GCAT: variants seen among roughly 807,000 people sequenced by gnomAD.
The protein encoded by GCAT is 2-amino-3-ketobutyrate coenzyme A ligase, mitochondrial.
In GCAT, 26 loss-of-function variants were observed where a neutral mutation model predicts 39.7. The observed-to-expected ratio is 0.65, with a 90% CI of 0.48 to 0.91. The LOEUF is 0.91. Ranked by LOEUF, GCAT falls within the 40% of genes least tolerant of loss-of-function variation. GCAT has a pLI of 0.00. For synonymous variants in GCAT, 218 were observed against 237.2 expected, an observed-to-expected ratio of 0.92 and a Z score of 0.74; for missense variants, 550 against 576.2, an observed-to-expected ratio of 0.95 and a Z score of 0.47.
chr22:37,813,013 G>A, intron 3 of GCAT, 25 bp downstream of exon 3: 2 of 1,522,142 alleles, frequency 1.3e-6, no homozygotes, highest in Admixed American at 1.7e-5. Context: ...TCCTGCGGGT[G>A]AGGGTTGGTG....
At position 37,815,653 on chromosome 22, in the gene GCAT, T is replaced by G; in HGVS notation, c.815-10T>G. 1 of 1,601,608 alleles carries G rather than the reference T, an allele frequency of 6.2e-7. No homozygotes were observed. The highest frequency in any genetic ancestry group is 8.5e-7 in the Non-Finnish European group (1 of 1,170,242). On this transcript the variant is annotated splice_polypyrimidine_tract_variant and intron_variant, in intron 6 of 8. Coordinates refer to ENST00000248924, the MANE Select transcript of GCAT (RefSeq NM_014291.4). Reference sequence around the variant, plus strand: ...CCAACCCCTCCCCCCACCTCTTCCCTTCTTCTCAGGGGGCTACACGACAGG... The same window carrying G: ...CCAACCCCTCCCCCCACCTCTTCCCGTCTTCTCAGGGGGCTACACGACAGG...
At chr22:37,817,000 G>C, downstream of GCAT, 1 of 382,224 alleles carries the variant, frequency 2.6e-6, no homozygotes, top group East Asian at 4.8e-5. Flanking sequence ...GAGGACTGCA[G>C]ATCTCCACTG....
Position 37,813,462 on chromosome 22 carries a change from G to C in GCAT, c.430-1G>C. 6.3e-7 allele frequency: 1 copy of C among 1,595,552 alleles called. No individual in the cohort carries two copies. Among genetic ancestry groups the C allele is most frequent in the Middle Eastern group, 1.7e-4 (1 of 6,038 alleles). ...GCTCTACGCTCACTGCCTCCCTCCA[G>C]GCCCTGCTGACCCCAGAGGACGCAG... On this transcript the variant is annotated splice_acceptor_variant, in intron 3 of 8. Coordinates refer to ENST00000248924, the MANE Select transcript of GCAT (RefSeq NM_014291.4). LOFTEE classifies it high-confidence loss of function.
intron 7 of GCAT, 100 bp downstream of exon 7, chr22:37,815,934 T>C (rs1922141395): frequency 1.4e-6 from 2 of 1,413,964 alleles, no homozygotes; most frequent in Non-Finnish European, 2.0e-6. Context: ...GCCCACCGGG[T>C]CTGCTTCTGC....
chr22:37,814,200 G>A (rs80261692), intron 4 of GCAT, among the ~76,000 whole-genome samples: 5 of 152,018 alleles, frequency 3.3e-5, no homozygotes, highest in Admixed American at 2.0e-4. Flanking sequence ...TTCTGGACTC[G>A]AGCGATCCTC....
intron 3 of GCAT, 46 bp from the exon 4 acceptor site, chr22:37,813,417 C>A: frequency 6.4e-7 from 1 of 1,552,764 alleles, no homozygotes; most frequent in South Asian, 1.2e-5. Context: ...AAGGGAGAAG[C>A]CCAGGGTGGT....
rs1922102855 is a variant in GCAT at position 37,815,709 on chromosome 22, G to C, written c.861G>C (p.Gln287His). 1 of 1,613,474 alleles carries C rather than the reference G, an allele frequency of 6.2e-7. No homozygotes were observed. Among genetic ancestry groups the C allele is most frequent in the Admixed American group, 1.7e-5 (1 of 60,002 alleles). Residue 287 changes from glutamine (Q) to histidine (H), a missense_variant, in exon 7 of 9, where the codon CAG (glutamine) becomes CAC (histidine). Transcript: ENST00000248924. ...GGCCCCTGGTGTCCCTGCTGCGGCA[G>C]CGCGCCCGGCCATACCTCTTCTCCA... ...GPGPLVSLLRQRARPYLFSNS... is the reference protein window; with the variant it reads ...GPGPLVSLLRHRARPYLFSNS...
At chr22:37,816,387 C>T (rs2145936569) in intron 8 of GCAT, 66 bp downstream of exon 8, 2 of 1,581,530 alleles carry the variant, frequency 1.3e-6, no homozygotes, top group Non-Finnish European at 1.7e-6. Flanking sequence ...AACCCCTAGA[C>T]TGTGACCCAG....
At chr22:37,814,544 T>C (rs749264099) in intron 4 of GCAT, among the ~76,000 whole-genome samples, 3 of 152,216 alleles carry the variant, frequency 2.0e-5, no homozygotes, top group Non-Finnish European at 4.4e-5. Flanking sequence ...ATTACAGGCA[T>C]GAGCCACCGC....
At chr22:37,811,641 T>G (rs1005475079) in intron 2 of GCAT, among the ~76,000 whole-genome samples, 1 of 151,766 alleles carries the variant, frequency 6.6e-6, no homozygotes, top group Non-Finnish European at 1.5e-5. Context: ...TTAAGAAAAT[T>G]ACAACTATTG....
intron 2 of GCAT, among the ~76,000 whole-genome samples, chr22:37,810,447 A>G (rs538878084): frequency 2.0e-5 from 3 of 151,696 alleles, no homozygotes; most frequent in African/African-American, 7.3e-5. Context: ...ACCAGACTCA[A>G]GGGATTCTCC....
At chr22:37,808,704 T>C (rs1195582205) in intron 1 of GCAT, among the ~76,000 whole-genome samples, 1 of 152,008 alleles carries the variant, frequency 6.6e-6, no homozygotes, top group Non-Finnish European at 1.5e-5. Context: ...TTTTCTGAGA[T>C]GGAGTCTCGT....
At chr22:37,816,061 C>T (rs739269) in intron 7 of GCAT, 139 bp from the exon 8 acceptor site, 766,163 of 1,127,370 alleles carry the variant, frequency 0.68, 264,079 homozygotes, top group African/African-American at 0.92. Flanking sequence ...CCTGGCTCCC[C>T]TCTGCCTCTT....
At chr22:37,813,025 G>A (rs371040204) in intron 3 of GCAT, 37 bp downstream of exon 3, 6 of 1,401,940 alleles carry the variant, frequency 4.3e-6, no homozygotes, top group Non-Finnish European at 5.1e-6. Context: ...GGGTTGGTGG[G>A]GCCTGTTAGG....
At chr22:37,813,146 C>T (rs1921780678) in intron 3 of GCAT, 158 bp downstream of exon 3, 2 of 650,258 alleles carry the variant, frequency 3.1e-6, no homozygotes, top group African/African-American at 1.8e-5. Context: ...GGTAGGTGCT[C>T]CAGGAGGAAT....
In GCAT at chr22:37,816,648, G is replaced by C; in HGVS notation, c.1190G>C (p.Ser397Thr). 2 of 1,614,174 alleles carry C rather than the reference G, an allele frequency of 1.2e-6. No individual in the cohort carries two copies. The highest frequency in any genetic ancestry group is 1.7e-6 in the Non-Finnish European group (2 of 1,180,028). Residue 397 changes from serine (S) to threonine (T), a missense_variant, in exon 9 of 9, where the codon AGC (serine) becomes ACC (threonine). Ser to Thr is a moderately conservative substitution (Grantham distance 58). This residue lies in a region of GCAT where 378 missense variants were observed against 390.4 expected (regional missense o/e 0.97). Transcript: ENST00000248924. ...RIRVQISAVH[S>T]EEDIDRCVEA... ...CGGGTACAGATCTCAGCAGTGCATAGCGAGGAAGACATTGACCGCTGCGTG... is the reference window on the plus strand; with the variant it reads ...CGGGTACAGATCTCAGCAGTGCATACCGAGGAAGACATTGACCGCTGCGTG...
At position 37,815,204 on chromosome 22, in the gene GCAT, T is replaced by C. The variant is rs773225422; in HGVS notation, c.655T>C (p.Cys219Arg). Residue 219 changes from cysteine (C) to arginine (R), a missense_variant, in exon 5 of 9, where the codon TGC becomes CGC. Physicochemically the swap from Cys to Arg is radical, Grantham distance 180 (BLOSUM62 -3). Around this residue, in one of 3 missense-constraint regions of GCAT, gnomAD observed 378 missense variants for 390.4 expected, o/e 0.97. Coordinates refer to ENST00000248924, the MANE Select transcript of GCAT (RefSeq NM_014291.4). The part of the protein sequence containing the change: ...GDIAPLQEIC[C>R]LASRYGALVF... ...CATCGCACCCCTGCAGGAGATCTGC[T>C]GCCTCGCCTCTAGATATGGTGCCCT... 1 of 1,614,096 alleles carries C rather than the reference T, an allele frequency of 6.2e-7. No individual in the cohort carries two copies. Among genetic ancestry groups the C allele is most frequent in the East Asian group, 2.2e-5 (1 of 44,886 alleles).
In GCAT at chr22:37,810,031, C is replaced by T; in HGVS notation, c.201C>T (p.Ile67=). The T allele has an allele frequency of 6.2e-7, 1 of 1,613,972 alleles. No individual in the cohort carries two copies. The highest frequency in any genetic ancestry group is 8.5e-7 in the Non-Finnish European group (1 of 1,179,802). ...HIRVDGVSGG[I]LNFCANNYLG... ...ATCTCCTCTCCTTCACCTCAGGAAT[C>T]CTTAACTTCTGTGCCAACAACTACC... Residue 67 remains isoleucine, a synonymous_variant, in exon 2 of 9, where the codon ATC becomes ATT. Transcript: ENST00000248924.
chr22:37,816,388 T>A (rs1922201223), intron 8 of GCAT, 67 bp downstream of exon 8: 1 of 1,580,282 alleles, frequency 6.3e-7, no homozygotes, highest in Non-Finnish European at 8.6e-7. Flanking sequence ...ACCCCTAGAC[T>A]GTGACCCAGC....
Sources: allele counts gnomAD v4.1 joint callset (sites outside exome capture counted in the v4.1 genomes callset), GRCh38; gene constraint gnomAD v4.1.1; regional missense constraint gnomAD v4.1.1; transcripts MANE v1.5; gene names NCBI Gene and HGNC (gene_info 2026-07-23, HGNC 2026-07-21).